The following CDH23 variants were observed in gnomAD, a reference collection of about 807,000 sequenced individuals.
CDH23 encodes the protein cadherin-23.
Under a neutral mutation model 317.1 loss-of-function variants are expected in CDH23, and 189 were observed. The observed-to-expected ratio is 0.60, with a 90% CI of 0.53 to 0.67. The LOEUF (loss-of-function observed/expected upper bound fraction) is 0.67, where lower values mean the gene tolerates loss of function less well. Ranked by LOEUF, CDH23 falls within the 30% of genes least tolerant of loss-of-function variation. The pLI is 0.00. For synonymous variants in CDH23, 1,839 were observed against 1,876.8 expected (o/e 0.98, Z 0.52); for missense variants, 4,401 against 4,592.4 (o/e 0.96, Z 1.20).
intron 38 of CDH23, chr10:71,773,477 G>C (rs538222357): frequency 2.6e-6 from 4 of 1,555,406 alleles, no homozygotes; most frequent in Non-Finnish European, 3.5e-6. Flanking sequence ...CTGGTGCCGG[G>C]GAGCGGGCGG....
intron 1 of CDH23, among the ~76,000 whole-genome samples, chr10:71,402,028 A>C (rs79772690): frequency 0.018 from 2,697 of 152,336 alleles, 64 homozygotes; most frequent in African/African-American, 0.059. Flanking sequence ...ACGTAGCCAC[A>C]TGGAGACAGT....
chr10:71,489,884 CCT>C (rs1368927616), intron 3 of CDH23, among the ~76,000 whole-genome samples: 1 of 152,112 alleles, frequency 6.6e-6, no homozygotes, highest in Non-Finnish European at 1.5e-5. Flanking sequence ...GTCACGTTCC[CCT>C]CTCTATTCAG....
chr10:71,513,760 C>G (rs559277321), intron 6 of CDH23, among the ~76,000 whole-genome samples: 33 of 152,312 alleles, frequency 2.2e-4, no homozygotes, highest in African/African-American at 7.9e-4. Flanking sequence ...GGGAGTTGAA[C>G]CCAGCCCCTT....
chr10:71,403,331 CTTTCTTTCTTT>C (rs1564557841), intron 1 of CDH23, among the ~76,000 whole-genome samples: 2,852 of 52,070 alleles, frequency 0.055, 398 homozygotes, highest in Non-Finnish European at 0.058. Flanking sequence ...TCCTTCCTTT[CTTTCTTTCTTT>C]CTTTCTTTCT....
intron 13 of CDH23, 63 bp from the exon 14 acceptor site, chr10:71,646,396 G>A: frequency 1.3e-6 from 2 of 1,588,932 alleles, no homozygotes; most frequent in Admixed American, 1.7e-5. Flanking sequence ...AGGACTTACA[G>A]GGACAAGGAC....
Position 71,771,449 on chromosome 10 carries a change from C to T in CDH23, c.4846-6231C>T, listed in dbSNP as rs79523192. ...ACATACCCAGGGCAACCCAGCACCT[C>T]GGCAGGCTGGTGATCAATCTTCTCA... On this transcript the variant is annotated intron_variant, in intron 38 of 69. Transcript: ENST00000224721. 5.1e-3 allele frequency among the ~76,000 whole-genome samples: 777 copies of T among 152,352 alleles called. 9 individuals carry two copies. The highest frequency in any genetic ancestry group is 0.018 in the African/African-American group (732 of 41,578).
chr10:71,423,907 C>T (rs1008105324), intron 1 of CDH23, among the ~76,000 whole-genome samples: 3 of 152,218 alleles, frequency 2.0e-5, no homozygotes, highest in Non-Finnish European at 4.4e-5. Flanking sequence ...CTCACAGAAC[C>T]TGCAGTCCAG....
intron 30 of CDH23, among the ~76,000 whole-genome samples, chr10:71,727,125 G>A (rs1027774973): frequency 2.0e-5 from 3 of 152,116 alleles, no homozygotes; most frequent in Non-Finnish European, 2.9e-5. Flanking sequence ...TTTAACCTCC[G>A]TAACCCTCAT....
intron 14 of CDH23, among the ~76,000 whole-genome samples, chr10:71,670,416 G>A (rs147823179): frequency 2.7e-3 from 413 of 152,344 alleles, no homozygotes; most frequent in Non-Finnish European, 4.5e-3. Context: ...TTCACAGGGA[G>A]GAAAGTGGGG....
At chr10:71,686,272 A>G (rs1429955387) in intron 18 of CDH23, among the ~76,000 whole-genome samples, 2 of 151,964 alleles carry the variant, frequency 1.3e-5, no homozygotes, top group Non-Finnish European at 2.9e-5. Flanking sequence ...GCTTAAATGT[A>G]TAAGTATATG....
intron 3 of CDH23, among the ~76,000 whole-genome samples, chr10:71,503,428 G>T (rs74145014): frequency 1.3e-5 from 2 of 152,154 alleles, no homozygotes; most frequent in African/African-American, 4.8e-5. Context: ...CTCTCTTCCC[G>T]TTGTGGCTCA....
chr10:71,509,515 G>A (rs1191341142), intron 3 of CDH23, among the ~76,000 whole-genome samples: 1 of 152,156 alleles, frequency 6.6e-6, no homozygotes, highest in East Asian at 1.9e-4. Context: ...GGCTCTTCTT[G>A]TGTGGTGCCA....
chr10:71,590,889 A>C (rs1379037863), intron 9 of CDH23, among the ~76,000 whole-genome samples: 22 of 143,588 alleles, frequency 1.5e-4, no homozygotes, highest in African/African-American at 5.5e-4. Flanking sequence ...AAAAAAAACA[A>C]AAAAAAACAA....
intron 30 of CDH23, 81 bp downstream of exon 30, chr10:71,725,601 C>CCCT: frequency 6.7e-7 from 1 of 1,483,350 alleles, no homozygotes; most frequent in Non-Finnish European, 9.1e-7. Context: ...CATTAGTTGG[C>CCCT]GCCTGGTGTG....
chr10:71,703,135 T>G (rs565421578), intron 24 of CDH23, among the ~76,000 whole-genome samples: 5 of 152,322 alleles, frequency 3.3e-5, no homozygotes, highest in Admixed American at 2.0e-4. Context: ...CTAAAGAGAC[T>G]TGCCCAAGAC....
intron 6 of CDH23, chr10:71,512,388 C>G (rs1012825061): frequency 4.6e-5 from 7 of 152,264 alleles, no homozygotes; most frequent in Non-Finnish European, 1.0e-4. Context: ...GCCCGCAGTC[C>G]TAAACATGGG....
chr10:71,671,521 G>C (rs1459986662), intron 14 of CDH23, among the ~76,000 whole-genome samples: 5 of 152,202 alleles, frequency 3.3e-5, no homozygotes, highest in African/African-American at 1.2e-4. Flanking sequence ...CTGTCTGTCT[G>C]CCACTTTATT....
chr10:71,679,814 G>A (rs1181296903), intron 17 of CDH23, among the ~76,000 whole-genome samples: 3 of 152,198 alleles, frequency 2.0e-5, no homozygotes, highest in Non-Finnish European at 2.9e-5. Context: ...GCAGGTCCGT[G>A]GGATGGAAGC....
intron 9 of CDH23, among the ~76,000 whole-genome samples, chr10:71,596,793 G>A (rs187416794): frequency 3.3e-4 from 50 of 152,242 alleles, no homozygotes; most frequent in Non-Finnish European, 5.6e-4. Context: ...TGTTGGGCAG[G>A]GGGGAGCACG....
Sources: allele counts gnomAD v4.1 joint callset (sites outside exome capture counted in the v4.1 genomes callset), GRCh38; gene constraint gnomAD v4.1.1; transcripts MANE v1.5; gene names NCBI Gene and HGNC (gene_info 2026-07-23, HGNC 2026-07-21).